Variants in PRH1 observed in about 807,000 individuals in gnomAD.
PRH1 encodes the protein proline rich protein HaeIII subfamily 1.
In PRH1, 7 loss-of-function variants were observed where a neutral mutation model predicts 7.9. The ratio of observed to expected loss-of-function variants is 0.89; its 90% CI spans 0.50 to 1.67. PRH1 has a LOEUF of 1.67. Among genes scored for constraint, PRH1 ranks in the 40% most tolerant of loss-of-function variants. The pLI is 0.00. For missense variants in PRH1, 109 were observed against 223.6 expected (o/e 0.49, Z 3.27); for synonymous variants, 45 against 80.8 (o/e 0.56, Z 2.38).
intron 2 of PRH1, among the ~76,000 whole-genome samples, chr12:10,898,601 A>T (rs1031896899): frequency 7.9e-5 from 12 of 152,316 alleles, no homozygotes; most frequent in Middle Eastern, 3.4e-3. Flanking sequence ...AACTCTAAAC[A>T]TATAACTAAT....
intron 1 of PRH1, among the ~76,000 whole-genome samples, chr12:11,166,996 A>T (rs893706498): frequency 6.6e-6 from 1 of 152,216 alleles, no homozygotes; most frequent in African/African-American, 2.4e-5. Context: ...TTAAGGGCTC[A>T]TATGATTAGA....
chr12:11,119,312 C>T (rs1172390862), downstream of PRH1, among the ~76,000 whole-genome samples: 1 of 56,394 alleles, frequency 1.8e-5, no homozygotes, highest in Non-Finnish European at 4.7e-5. Flanking sequence ...TGGTTAATGG[C>T]TACCAAAAAA....
chr12:11,003,689 A>T (rs572370822), intron 1 of PRH1, among the ~76,000 whole-genome samples: 1 of 152,130 alleles, frequency 6.6e-6, no homozygotes, highest in South Asian at 2.1e-4. Flanking sequence ...AATTTCTTTT[A>T]TAAGCAATTA....
intron 1 of PRH1, among the ~76,000 whole-genome samples, chr12:11,083,722 T>C (rs73062991): frequency 6.7e-6 from 1 of 149,180 alleles, no homozygotes; most frequent in East Asian, 1.9e-4. Context: ...CCAATTGTTA[T>C]GATAATCATT....
chr12:11,128,529 G>C (rs1386406560), intron 1 of PRH1, among the ~76,000 whole-genome samples: 1 of 152,144 alleles, frequency 6.6e-6, no homozygotes, highest in Non-Finnish European at 1.5e-5. Flanking sequence ...TGGATCACCT[G>C]AAGTCAGGAG....
intron 1 of PRH1, among the ~76,000 whole-genome samples, chr12:11,163,861 G>T (rs1479426574): frequency 6.6e-6 from 1 of 152,090 alleles, no homozygotes; most frequent in Non-Finnish European, 1.5e-5. Context: ...ACATAAAAAA[G>T]AAGCTGGAAT....
intron 1 of PRH1, among the ~76,000 whole-genome samples, chr12:11,088,195 G>A (rs1301526671): frequency 7.7e-6 from 1 of 129,478 alleles, no homozygotes; most frequent in Admixed American, 7.8e-5. Flanking sequence ...ACAAAAATTA[G>A]CCAGGCGTGA....
chr12:10,982,512 A>T (rs1939406101), intron 1 of PRH1, among the ~76,000 whole-genome samples: 1 of 152,208 alleles, frequency 6.6e-6, no homozygotes, highest in Admixed American at 6.5e-5. Flanking sequence ...ATCTACACAC[A>T]TTGTGGAGGA....
At chr12:11,009,586 C>G (rs1031145468) in intron 1 of PRH1, among the ~76,000 whole-genome samples, 1 of 151,910 alleles carries the variant, frequency 6.6e-6, no homozygotes, top group African/African-American at 2.4e-5. Context: ...GTTGTTAGTA[C>G]TCTAGCCATG....
At chr12:11,044,356 T>A (rs551523666) in intron 1 of PRH1, among the ~76,000 whole-genome samples, 6 of 152,000 alleles carry the variant, frequency 3.9e-5, no homozygotes, top group African/African-American at 1.4e-4. Flanking sequence ...TCAGAGAAAC[T>A]CCCCAGGACA....
chr12:11,101,461 G>A (rs1035654577), intron 1 of PRH1, among the ~76,000 whole-genome samples: 2 of 151,736 alleles, frequency 1.3e-5, no homozygotes, highest in Non-Finnish European at 2.9e-5. Context: ...GTGCACTCCA[G>A]CCTGGACAAC....
At position 11,133,631 on chromosome 12, in the gene PRH1, T is replaced by A. The variant is rs573347121; in HGVS notation, n.40-12451A>T. On this transcript the variant is annotated intron_variant and non_coding_transcript_variant, in intron 1 of 1. Transcript: ENST00000541175. ...GCCATGGAGCTGCATCTTCTTGAGA[T>A]GTTTACACAGAGAACAGATTAACAG... 50 of 1,614,282 alleles carry A rather than the reference T, an allele frequency of 3.1e-5. No individual in the cohort carries two copies. The Admixed American group carries it at 6.7e-4, about 22-fold the overall frequency.
chr12:10,938,383 A>T (rs777119545), intron 2 of PRH1: 1 of 1,614,106 alleles, frequency 6.2e-7, no homozygotes, highest in Admixed American at 1.7e-5. Flanking sequence ...CACATGAGTG[A>T]CATGAAGGAT....
intron 1 of PRH1, among the ~76,000 whole-genome samples, chr12:11,148,925 T>C (rs1348838444): frequency 7.0e-6 from 1 of 142,288 alleles, no homozygotes; most frequent in Non-Finnish European, 1.6e-5. Flanking sequence ...CTGGACTCTT[T>C]TTGGTTGGTA....
intron 2 of PRH1, among the ~76,000 whole-genome samples, chr12:10,945,048 G>A (rs1207288316): frequency 2.0e-5 from 3 of 152,084 alleles, no homozygotes; most frequent in Non-Finnish European, 4.4e-5. Flanking sequence ...GCCAGGTTTT[G>A]GTATCAAGAT....
At chr12:10,930,585 G>A in intron 2 of PRH1, 2 of 1,588,084 alleles carry the variant, frequency 1.3e-6, no homozygotes, top group Non-Finnish European at 1.7e-6. Flanking sequence ...GGCCGGCCGT[G>A]TGGTGAAGAC....
intron 3 of PRH1, 67 bp from the exon 4 acceptor site, chr12:10,881,123 C>G (rs1409434273): frequency 5.9e-6 from 1 of 170,402 alleles, no homozygotes; most frequent in Non-Finnish European, 1.3e-5. Context: ...TGTCTAATCC[C>G]TCACTGGGGG....
chr12:11,066,731 G>A (rs1943837044), intron 1 of PRH1, among the ~76,000 whole-genome samples: 1 of 151,706 alleles, frequency 6.6e-6, no homozygotes, highest in Admixed American at 6.6e-5. Flanking sequence ...AAGTACTGGA[G>A]TTCAGGGTAG....
At chr12:10,888,566 C>A (rs1949527153), upstream of PRH1, among the ~76,000 whole-genome samples, 1 of 152,206 alleles carries the variant, frequency 6.6e-6, no homozygotes, top group African/African-American at 2.4e-5. Context: ...CTTTCAATAA[C>A]CATTGACACT....
Sources: allele counts gnomAD v4.1 joint callset (sites outside exome capture counted in the v4.1 genomes callset), GRCh38; gene constraint gnomAD v4.1.1; transcripts MANE v1.5; gene names NCBI Gene and HGNC (gene_info 2026-07-23, HGNC 2026-07-21).